Variants in THSD7A observed in about 807,000 individuals in gnomAD.
THSD7A encodes the protein thrombospondin type-1 domain-containing protein 7A.
THSD7A carries 96 observed loss-of-function variants against 231.3 expected under a neutral mutation model. The observed-to-expected ratio is 0.41, with a 90% CI of 0.35 to 0.49. The LOEUF is 0.49. THSD7A is among the 20% of genes least tolerant of loss of function. The pLI is 0.05. For synonymous variants in THSD7A, 940 were observed against 743.3 expected (o/e 1.26, Z -4.30); for missense variants, 2,290 against 2,070.2 (o/e 1.11, Z -2.06).
At chr7:11,618,110 C>A (rs892360387) in intron 2 of THSD7A, among the ~76,000 whole-genome samples, 1 of 152,084 alleles carries the variant, frequency 6.6e-6, no homozygotes, top group Non-Finnish European at 1.5e-5. Flanking sequence ...AATTAAAATG[C>A]CAATTCATAT....
chr7:11,446,074 T>C lies in THSD7A; in HGVS notation c.3051A>G (p.Arg1017=), dbSNP rs1784959661. 6.2e-7 allele frequency: 1 copy of C among 1,613,184 alleles called. No individual in the cohort carries two copies. The highest frequency in any genetic ancestry group is 1.3e-5 in the African/African-American group (1 of 74,848). Residue 1017 remains arginine (R), a synonymous_variant, in exon 13 of 28, where the codon AGA becomes AGG. Transcript: ENST00000423059. This position sits in a 1 kb window ranked among gnomAD's most constrained non-coding sequence, Gnocchi z 4.0. ...AGATTGAATTACCATGGCTGTTACA[T>C]CTAGATGTTTCCACAAGCCTGCCAT... ...DQNGRLVETS[R]CNSHGYIEEA... is the part of the protein sequence containing the mutation.
intron 22 of THSD7A, among the ~76,000 whole-genome samples, chr7:11,403,319 A>G (rs1783472565): frequency 2.6e-5 from 4 of 152,342 alleles, no homozygotes; most frequent in Middle Eastern, 3.4e-3. Flanking sequence ...ATTGACTAAC[A>G]TATATATACG....
At chr7:11,796,018 T>C (rs1784111983) in intron 1 of THSD7A, among the ~76,000 whole-genome samples, 1 of 141,172 alleles carries the variant, frequency 7.1e-6, no homozygotes, top group African/African-American at 2.6e-5. Flanking sequence ...GGTACTTCTT[T>C]GAAATTAAAT....
In THSD7A at chr7:11,590,753, G is replaced by T; in HGVS notation, c.1272-112C>A. On this transcript the variant is annotated intron_variant, in intron 3 of 27. Transcript: ENST00000423059. The surrounding 1 kb of genome is among the most constrained non-coding windows in gnomAD (Gnocchi z 4.4). ...TTAGTCTCAAAATCATTTTCCTAGA[G>T]AATCCATCGTAGACTACATCTATGG... 8.0e-7 allele frequency: 1 copy of T among 1,253,378 alleles called. No individual in the cohort carries two copies. Among genetic ancestry groups the T allele is most frequent in the Non-Finnish European group, 1.1e-6 (1 of 921,844 alleles). 77.6% of individuals were successfully genotyped at this position (1,253,378 alleles called of 1,614,324 possible). A position where few individuals can be genotyped will look rare whatever the true frequency, so the allele number is the denominator to read the frequency against.
chr7:11,673,644 C>T (rs1046950657), intron 1 of THSD7A, among the ~76,000 whole-genome samples: 1 of 152,174 alleles, frequency 6.6e-6, no homozygotes, highest in Non-Finnish European at 1.5e-5. Context: ...TCCACTGCCC[C>T]ACACAGAACA....
intron 23 of THSD7A, among the ~76,000 whole-genome samples, chr7:11,395,770 C>T (rs1201565412): frequency 2.0e-5 from 3 of 152,120 alleles, no homozygotes; most frequent in Non-Finnish European, 4.4e-5. Context: ...TTGTAATCCG[C>T]CCGCCTCGGC....
intron 4 of THSD7A, among the ~76,000 whole-genome samples, chr7:11,587,135 CT>C (rs1263134321): frequency 1.3e-5 from 2 of 151,984 alleles, no homozygotes; most frequent in African/African-American, 2.4e-5. Flanking sequence ...ACTTTGAACT[CT>C]AAAAAAATCA....
At chr7:11,458,125 T>C (rs2128297392) in intron 11 of THSD7A, among the ~76,000 whole-genome samples, 1 of 152,252 alleles carries the variant, frequency 6.6e-6, no homozygotes, top group Middle Eastern at 3.4e-3. Flanking sequence ...GCAGCTTCTC[T>C]ATAGTCTTTG....
chr7:11,461,333 G>C (rs1384328937), intron 10 of THSD7A, among the ~76,000 whole-genome samples: 5 of 152,120 alleles, frequency 3.3e-5, no homozygotes, highest in Admixed American at 1.3e-4. Context: ...TGCCAAATTT[G>C]ACAATGTCAT....
chr7:11,439,295 C>T (rs1427014721), intron 13 of THSD7A, among the ~76,000 whole-genome samples: 3 of 151,926 alleles, frequency 2.0e-5, no homozygotes, highest in African/African-American at 7.2e-5. Flanking sequence ...CTTTATTTTG[C>T]TTTGCAGATC....
At chr7:11,773,960 T>C (rs997545158) in intron 1 of THSD7A, among the ~76,000 whole-genome samples, 1 of 151,994 alleles carries the variant, frequency 6.6e-6, no homozygotes, top group Non-Finnish European at 1.5e-5. Context: ...TGGCCAGAAG[T>C]TATAAATAAC....
intron 4 of THSD7A, among the ~76,000 whole-genome samples, chr7:11,584,728 A>G (rs773241594): frequency 6.6e-6 from 1 of 152,194 alleles, no homozygotes; most frequent in Non-Finnish European, 1.5e-5. Flanking sequence ...GATAAAAGAA[A>G]TAAAAACTGT....
At chr7:11,392,217 C>G in intron 23 of THSD7A, among the ~76,000 whole-genome samples, 1 of 151,954 alleles carries the variant, frequency 6.6e-6, no homozygotes, top group Non-Finnish European at 1.5e-5. Context: ...TTGGGACTGG[C>G]TGGACAGTAA....
chr7:11,401,039 T>C lies in THSD7A; in HGVS notation c.4411+756A>G, dbSNP rs1037789765. On this transcript the variant is annotated intron_variant, in intron 23 of 27. Transcript: ENST00000423059. ...GTTCACACAGACATATAAACATAGA[T>C]GTTTATATATATTCTAAGTAAAATT... Among the ~76,000 whole-genome samples the C allele has an allele frequency of 2.0e-5, 3 of 152,182 alleles. No homozygotes were observed. In the South Asian group the frequency reaches 6.2e-4, roughly 32 times the overall value.
intron 6 of THSD7A, among the ~76,000 whole-genome samples, chr7:11,505,037 C>G (rs533428743): frequency 1.3e-5 from 2 of 152,214 alleles, no homozygotes; most frequent in East Asian, 3.9e-4. Flanking sequence ...TCCTGATTGT[C>G]AAACTTAACT....
At chr7:11,779,851 T>C (rs13247707) in intron 1 of THSD7A, among the ~76,000 whole-genome samples, 38,662 of 152,134 alleles carry the variant, frequency 0.25, 4,958 homozygotes, top group East Asian at 0.35. Context: ...AGTACAAATG[T>C]TGGCTAATTG....
At chr7:11,704,578 A>G (rs1174472515) in intron 1 of THSD7A, among the ~76,000 whole-genome samples, 1 of 150,824 alleles carries the variant, frequency 6.6e-6, no homozygotes, top group Non-Finnish European at 1.5e-5. Context: ...TAGCTATAGA[A>G]GTGTTTCATA....
chr7:11,643,153 T>C lies in THSD7A; in HGVS notation c.191-6192A>G, dbSNP rs377022651. 1.5e-3 allele frequency among the ~76,000 whole-genome samples: 224 copies of C among 152,200 alleles called. 2 individuals carry two copies. The highest frequency in any genetic ancestry group is 5.1e-3 in the African/African-American group (210 of 41,566). On this transcript the variant is annotated intron_variant, in intron 1 of 27. Transcript: ENST00000423059. The stretch of plus-strand genomic sequence containing the variant: ...CAGTTTCTTGTTTGACTAAATATGT[T>C]TGCATCCTTCACATGAGATAGTGTG...
At chr7:11,417,682 A>T in intron 16 of THSD7A, 79 bp from the exon 17 acceptor site, 1 of 1,437,588 alleles carries the variant, frequency 7.0e-7, no homozygotes, top group Non-Finnish European at 9.4e-7. Flanking sequence ...TAGAATGACC[A>T]ACCCACAGGA....
Sources: allele counts gnomAD v4.1 joint callset (sites outside exome capture counted in the v4.1 genomes callset), GRCh38; gene constraint gnomAD v4.1.1; non-coding constraint Gnocchi (gnomAD v3.1); transcripts MANE v1.5; gene names NCBI Gene and HGNC (gene_info 2026-07-23, HGNC 2026-07-21).